The following PIGV variants were observed in gnomAD, a reference collection of about 807,000 sequenced individuals.
PIGV encodes phosphatidylinositol glycan anchor biosynthesis class V, also known as GPI alpha-1,6-mannosyltransferase 2.
In PIGV, 27 loss-of-function variants were observed where a neutral mutation model predicts 39.2. The observed-to-expected ratio is 0.69, with a 90% CI of 0.51 to 0.95. The LOEUF (loss-of-function observed/expected upper bound fraction) is 0.95, where lower values mean the gene tolerates loss of function less well. Among genes scored for constraint, PIGV ranks in the 40% least tolerant of loss-of-function variants. The pLI, the probability that PIGV is intolerant of heterozygous loss-of-function variation, is 0.00. For missense variants in PIGV, 523 were observed against 586.4 expected (o/e 0.89, Z 1.12); for synonymous variants, 232 against 241.7 (o/e 0.96, Z 0.37).
intron 3 of PIGV, among the ~76,000 whole-genome samples, chr1:26,795,960 G>T (rs1173331733): frequency 6.6e-6 from 1 of 151,216 alleles, no homozygotes; most frequent in Non-Finnish European, 1.5e-5. Context: ...CTGGGTTCAA[G>T]CGACTCTTCT....
chr1:26,793,233 T>G (rs928188112), intron 2 of PIGV, among the ~76,000 whole-genome samples: 21 of 152,210 alleles, frequency 1.4e-4, no homozygotes, highest in Non-Finnish European at 2.9e-4. Flanking sequence ...TACCCCACAT[T>G]GTTGTTCACC....
At chr1:26,791,800 GA>G (rs944074606) in intron 2 of PIGV, among the ~76,000 whole-genome samples, 2 of 152,162 alleles carry the variant, frequency 1.3e-5, no homozygotes, top group African/African-American at 2.4e-5. Context: ...TTTACTGTTT[GA>G]AGTGGCCTGA....
chr1:26,794,632 A>G lies in PIGV; in HGVS notation c.598A>G (p.Thr200Ala). ...WTSVLLFAFA[T>A]GVRSNGLVSV... ...TAGTGTACTCCTCTTTGCCTTTGCC[A>G]CTGGGGTACGCTCCAACGGGCTGGT... The change falls in exon 3 of 4, where the codon ACT (threonine) becomes GCT (alanine). Residue 200 changes from threonine to alanine, a missense_variant. Physicochemically the swap from Thr to Ala is moderately conservative, Grantham distance 58. Coordinates refer to ENST00000674202, the MANE Select transcript of PIGV (RefSeq NM_017837.4). 3 of 1,614,210 alleles carry G rather than the reference A, an allele frequency of 1.9e-6. No individual in the cohort carries two copies. The highest frequency in any genetic ancestry group is 2.5e-6 in the Non-Finnish European group (3 of 1,180,042).
In PIGV at chr1:26,794,913, G is replaced by A. The variant is rs147229452; in HGVS notation, c.879G>A (p.Pro293=). ...KGYRIAEGNE[P]PWCFWDVPLI... ...ACCGGATTGCAGAGGGAAATGAACC[G>A]CCTTGGTGCTTCTGGGATGTTCCAC... Residue 293 remains proline, a synonymous_variant, in exon 3 of 4, where the codon CCG becomes CCA. Transcript: ENST00000674202. The A allele has an allele frequency of 6.0e-5, 97 of 1,614,120 alleles. No individual in the cohort carries two copies. The African/African-American group carries it at 8.3e-4, about 14-fold the overall frequency.
At position 26,794,223 on chromosome 1, in the gene PIGV, G is replaced by C; in HGVS notation, c.189G>C (p.Leu63=). The C allele has an allele frequency of 6.2e-7, 1 of 1,614,236 alleles. No homozygotes were observed. Among genetic ancestry groups the C allele is most frequent in the Non-Finnish European group, 8.5e-7 (1 of 1,180,054 alleles). Residue 63 remains leucine, a synonymous_variant, in exon 3 of 4, where the codon CTG becomes CTC. Coordinates refer to ENST00000674202, the MANE Select transcript of PIGV (RefSeq NM_017837.4). ...DQLVEGLLGG[L]SHWDAEHFLF... Reference sequence around the variant, plus strand: ...TCGTGGAAGGTCTTCTGGGCGGCCTGTCTCACTGGGATGCTGAACACTTCT... The same window carrying C: ...TCGTGGAAGGTCTTCTGGGCGGCCTCTCTCACTGGGATGCTGAACACTTCT...
rs2081410945 is a variant in PIGV, at chr1:26,798,182, A to G, written c.*338A>G. 1 of 357,270 alleles carries G rather than the reference A, an allele frequency of 2.8e-6. No individual in the cohort carries two copies. Among genetic ancestry groups the G allele is most frequent in the Admixed American group, 4.3e-5 (1 of 23,454 alleles). The allele number at this position is 357,270 out of a possible 1,614,324, so 22.1% of individuals were successfully genotyped here. A position where few individuals can be genotyped will look rare whatever the true frequency, so the allele number is the denominator to read the frequency against. On this transcript the variant is annotated 3_prime_UTR_variant, in exon 4 of 4. Transcript: ENST00000674202. ...TGTGTGTAAATTTAAATGTCAATTT[A>G]TTGAAGTGTAAATTTCATCAAAGGC...
intron 2 of PIGV, among the ~76,000 whole-genome samples, chr1:26,791,375 T>G (rs1490634151): frequency 6.6e-6 from 1 of 152,154 alleles, no homozygotes; most frequent in African/African-American, 2.4e-5. Context: ...TTCCCCCGAG[T>G]GCCTGCCCTT....
At chr1:26,787,433 TAGA>T (rs2081250711), upstream of PIGV, 1 of 152,232 alleles carries the variant, frequency 6.6e-6, no homozygotes, top group African/African-American at 2.4e-5. Context: ...CTCTGGTAGA[TAGA>T]GGAGGGGAAA....
In PIGV at chr1:26,794,586, G is replaced by A; in HGVS notation, c.552G>A (p.Leu184=). The A allele has an allele frequency of 6.2e-7, 1 of 1,614,222 alleles. No individual in the cohort carries two copies. The highest frequency in any genetic ancestry group is 2.2e-5 in the East Asian group (1 of 44,892). Residue 184 remains leucine, a synonymous_variant, in exon 3 of 4, where the codon CTG becomes CTA. Coordinates refer to ENST00000674202, the MANE Select transcript of PIGV (RefSeq NM_017837.4). ...TGACATTCAGTGCCATGGGGCAGCT[G>A]GAGAGGGGCCGAGTCTGGACTAGTG... ...ALLTFSAMGQ[L]ERGRVWTSVL... is the part of the protein sequence containing the mutation.
Position 26,794,950 on chromosome 1 carries a change from T to C in PIGV, c.916T>C (p.Tyr306His). ...CFWDVPLIYS[Y>H]IQDVYWNVGF... Reference sequence around the variant, plus strand: ...CTGGGATGTTCCACTAATATACAGCTATATCCAGGATGTCTACTGGAATGT... The same window carrying C: ...CTGGGATGTTCCACTAATATACAGCCATATCCAGGATGTCTACTGGAATGT... Residue 306 changes from tyrosine to histidine, a missense_variant, in exon 3 of 4, where the codon TAT becomes CAT. Transcript: ENST00000674202. 9.9e-6 allele frequency: 16 copies of C among 1,614,120 alleles called. No individual in the cohort carries two copies. The highest frequency in any genetic ancestry group is 1.4e-5 in the Non-Finnish European group (16 of 1,179,958).
intron 2 of PIGV, among the ~76,000 whole-genome samples, chr1:26,793,845 GTGATCCT>G (rs1186087952): frequency 3.3e-5 from 5 of 152,130 alleles, no homozygotes; most frequent in African/African-American, 1.2e-4. Flanking sequence ...CTCGGCTCAA[GTGATCCT>G]TCCACCTCAG....
chr1:26,797,450 T>C, intron 3 of PIGV, 113 bp from the exon 4 acceptor site: 1 of 850,082 alleles, frequency 1.2e-6, no homozygotes. Flanking sequence ...TGTAATACAT[T>C]TCTAGTCACA....
intron 2 of PIGV, among the ~76,000 whole-genome samples, chr1:26,793,062 T>A (rs1419885769): frequency 6.6e-6 from 1 of 152,192 alleles, no homozygotes; most frequent in Non-Finnish European, 1.5e-5. Context: ...GTACTGAAGG[T>A]TGGATGAACC....
At chr1:26,796,470 AT>A (rs1287603778) in intron 3 of PIGV, among the ~76,000 whole-genome samples, 12 of 148,976 alleles carry the variant, frequency 8.1e-5, no homozygotes, top group African/African-American at 9.8e-5. Flanking sequence ...GCCCAGCAAG[AT>A]TTTTTTTTTT....
rs777251503 is a variant in PIGV at position 26,794,218 on chromosome 1, G to A, written c.184G>A (p.Gly62Ser). The change falls in exon 3 of 4, where the codon GGC becomes AGC. Residue 62 changes from glycine (G) to serine (S), a missense_variant. Physicochemically the swap from Gly to Ser is moderately conservative, Grantham distance 56. Transcript: ENST00000674202. Reference protein sequence around the residue: ...VDQLVEGLLGGLSHWDAEHFL... With the variant: ...VDQLVEGLLGSLSHWDAEHFL... ...CCAACTCGTGGAAGGTCTTCTGGGC[G>A]GCCTGTCTCACTGGGATGCTGAACA... 1.7e-5 allele frequency: 28 copies of A among 1,614,050 alleles called. 1 individual carries two copies. The highest frequency in any genetic ancestry group is 4.5e-5 in the East Asian group (2 of 44,900).
rs148662665 is a variant in PIGV at position 26,794,382 on chromosome 1, G to A, written c.348G>A (p.Leu116=). 2,623 of 1,614,246 alleles carry A rather than the reference G, an allele frequency of 1.6e-3. 4 individuals are homozygous for A. The highest frequency in any genetic ancestry group is 2.5e-3 in the Middle Eastern group (15 of 6,062). Reference sequence around the variant, plus strand: ...TACTGAGTCTACGCAGTTGCCTGCTGATTTCGGTAGCATCACTCAATTTCT... The same window carrying A: ...TACTGAGTCTACGCAGTTGCCTGCTAATTTCGGTAGCATCACTCAATTTCT... The part of the protein sequence containing the change: ...RGLLSLRSCL[L]ISVASLNFLF... Residue 116 remains leucine, a synonymous_variant, in exon 3 of 4, where the codon CTG becomes CTA. Transcript: ENST00000674202.
chr1:26,794,888 A>G lies in PIGV; in HGVS notation c.854A>G (p.Tyr285Cys), dbSNP rs755167830. ...GTACAGTTAGCTGTAGACAAGGGCT[A>G]CCGGATTGCAGAGGGAAATGAACCG... ...PLVQLAVDKG[Y>C]RIAEGNEPPW... is the part of the protein sequence containing the mutation. Residue 285 changes from tyrosine (Y) to cysteine (C), a missense_variant, in exon 3 of 4, where the codon TAC (tyrosine) becomes TGC (cysteine). Coordinates refer to ENST00000674202, the MANE Select transcript of PIGV (RefSeq NM_017837.4). The G allele has an allele frequency of 1.2e-6, 2 of 1,614,180 alleles. No homozygotes were observed. Among genetic ancestry groups the G allele is most frequent in the Non-Finnish European group, 1.7e-6 (2 of 1,180,024 alleles).
At chr1:26,791,482 AC>A (rs1185601940) in intron 2 of PIGV, among the ~76,000 whole-genome samples, 1 of 152,124 alleles carries the variant, frequency 6.6e-6, no homozygotes, top group African/African-American at 2.4e-5. Context: ...ATAAAATATC[AC>A]GTATATATGA....
Position 26,790,912 on chromosome 1 carries a change from G to C in PIGV, c.78+19G>C. On this transcript the variant is annotated intron_variant, in intron 2 of 3. Transcript: ENST00000674202. Reference sequence around the variant, plus strand: ...GCTGCAGGTCAGTCTCCCATCCTTTGTCCTGAATGTGCTATTGCTACATGA... The same window carrying C: ...GCTGCAGGTCAGTCTCCCATCCTTTCTCCTGAATGTGCTATTGCTACATGA... 1 of 1,599,590 alleles carries C rather than the reference G, an allele frequency of 6.3e-7. No homozygotes were observed. Among genetic ancestry groups the C allele is most frequent in the Non-Finnish European group, 8.6e-7 (1 of 1,166,900 alleles).
Sources: allele counts gnomAD v4.1 joint callset (sites outside exome capture counted in the v4.1 genomes callset), GRCh38; gene constraint gnomAD v4.1.1; transcripts MANE v1.5; gene names NCBI Gene and HGNC (gene_info 2026-07-23, HGNC 2026-07-21).